Variants in LARP4B observed in about 807,000 individuals in gnomAD.
The protein encoded by LARP4B is La ribonucleoprotein 4B, also known as la-related protein 4B.
Under a neutral mutation model 89.8 loss-of-function variants are expected in LARP4B, and 12 were observed. The observed-to-expected ratio is 0.13, with a 90% CI of 0.09 to 0.22. The LOEUF (loss-of-function observed/expected upper bound fraction) is 0.22, where lower values mean the gene tolerates loss of function less well. Among genes scored for constraint, LARP4B ranks in the 10% least tolerant of loss-of-function variants. The probability of loss-of-function intolerance (pLI) is 1.00; values close to 1 mark genes in which losing one functional copy is unlikely to be tolerated. For synonymous variants in LARP4B, 367 were observed against 363.3 expected, an observed-to-expected ratio of 1.01 and a Z score of -0.12; for missense variants, 757 against 947.7, an observed-to-expected ratio of 0.80 and a Z score of 2.64.
intron 15 of LARP4B, 109 bp from the exon 16 acceptor site, chr10:815,179 A>G: frequency 2.3e-6 from 3 of 1,321,602 alleles, no homozygotes; most frequent in Non-Finnish European, 3.0e-6. Flanking sequence ...CAGCACAAGG[A>G]CATAGGGGAA....
chr10:973,197 G>GT, the LARP4B span, among the ~76,000 whole-genome samples: 1 of 152,252 alleles, frequency 6.6e-6, no homozygotes, highest in Admixed American at 6.5e-5. Flanking sequence ...CAGACTGCTG[G>GT]AGAGTGCAGC....
rs143043527 is a variant in LARP4B, at chr10:898,822, G to C, written c.-39-13062C>G. On this transcript the variant is annotated intron_variant, in intron 1 of 17. Transcript: ENST00000316157. ...TTAGCACAGCAGGAAATTAAGATCA[G>C]GGATAATTTAAGGTCACAAAGCTAC... Among the ~76,000 whole-genome samples, 371 of 152,310 alleles carry C rather than the reference G, an allele frequency of 2.4e-3. 2 individuals carry two copies. The highest frequency in any genetic ancestry group is 8.1e-3 in the African/African-American group (335 of 41,578).
chr10:940,122 AT>A, the LARP4B span, among the ~76,000 whole-genome samples: 1 of 138,532 alleles, frequency 7.2e-6, no homozygotes, highest in Non-Finnish European at 1.5e-5. Flanking sequence ...GGTTCAAGCG[AT>A]TCTCCTGCCT....
chr10:973,679 C>G, the LARP4B span, among the ~76,000 whole-genome samples: 166 of 152,270 alleles, frequency 1.1e-3, 1 homozygote, highest in Non-Finnish European at 1.8e-3. Context: ...CTTCCCTGTG[C>G]TCTAGCCACA....
chr10:912,158 A>G (rs765049961), intron 1 of LARP4B, among the ~76,000 whole-genome samples: 2 of 152,180 alleles, frequency 1.3e-5, no homozygotes, highest in East Asian at 3.8e-4. Flanking sequence ...GTCTATTAAT[A>G]AAAGTGGAAT....
At chr10:986,406 C>T in the LARP4B span, 14 of 152,294 alleles carry the variant, frequency 9.2e-5, no homozygotes, top group Admixed American at 5.9e-4. Context: ...CAGAAAAGGC[C>T]TTTAGAGTTT....
chr10:909,264 A>G (rs1269925268), intron 1 of LARP4B, among the ~76,000 whole-genome samples: 1 of 146,052 alleles, frequency 6.8e-6, no homozygotes, highest in Non-Finnish European at 1.5e-5. Flanking sequence ...ACTGCAATCC[A>G]GCCTGGGCGA....
chr10:843,724 T>C (rs1278470086), intron 6 of LARP4B, among the ~76,000 whole-genome samples: 1 of 151,630 alleles, frequency 6.6e-6, no homozygotes, highest in Non-Finnish European at 1.5e-5. Context: ...AAAAACAATT[T>C]AAAGTAAAGA....
rs1305647060 is a variant in LARP4B, at chr10:863,725, C to G, written c.430+18G>C. 2 of 1,578,740 alleles carry G rather than the reference C, an allele frequency of 1.3e-6. No homozygotes were observed. Among genetic ancestry groups the G allele is most frequent in the South Asian group, 2.3e-5 (2 of 85,770 alleles). On this transcript the variant is annotated intron_variant, in intron 5 of 17. Coordinates refer to ENST00000316157, the MANE Select transcript of LARP4B (RefSeq NM_015155.3). ...AGCCCATATTCCCTGGGAAAATGCA[C>G]CCATAAGATATGTTTACCTGTCTCG... is the stretch of plus-strand genomic sequence containing the variant.
At chr10:890,737 A>G (rs1835992980) in intron 1 of LARP4B, among the ~76,000 whole-genome samples, 1 of 152,102 alleles carries the variant, frequency 6.6e-6, no homozygotes, top group African/African-American at 2.4e-5. Context: ...ATTTTTAACT[A>G]TGTAGATGAT....
chr10:825,789 G>C lies in LARP4B; in HGVS notation c.1207C>G (p.Leu403Val). ...CTGCTTCGAGGAGGATACTGTCTGA[G>C]AGAAGTCAGAGGAGACGCCGCAGGC... ...FKPAASPLTS[L>V]RQYPPRSRNP... Residue 403 changes from leucine (L) to valine (V), a missense_variant, in exon 12 of 18, where the codon CTC (leucine) becomes GTC (valine). By Grantham distance (32) the Leu-to-Val change is conservative. Coordinates refer to ENST00000316157, the MANE Select transcript of LARP4B (RefSeq NM_015155.3). The C allele has an allele frequency of 6.2e-7, 1 of 1,613,792 alleles. No homozygotes were observed. Among genetic ancestry groups the C allele is most frequent in the African/African-American group, 1.3e-5 (1 of 75,072 alleles).
At chr10:922,957 C>T (rs1432430632) in intron 1 of LARP4B, among the ~76,000 whole-genome samples, 2 of 152,096 alleles carry the variant, frequency 1.3e-5, no homozygotes, top group African/African-American at 2.4e-5. Context: ...CGCCTGCAGT[C>T]CCAGTTACTT....
At chr10:823,033 C>G (rs1832437007) in intron 13 of LARP4B, among the ~76,000 whole-genome samples, 1 of 152,208 alleles carries the variant, frequency 6.6e-6, no homozygotes, top group South Asian at 2.1e-4. Flanking sequence ...TCAGGGCAAG[C>G]AAGGCCTGGC....
the LARP4B span, among the ~76,000 whole-genome samples, chr10:977,176 C>T: frequency 2.6e-5 from 4 of 152,042 alleles, no homozygotes; most frequent in African/African-American, 9.7e-5. Context: ...TTTTTACAGA[C>T]AGGGTCTGGC....
chr10:923,539 A>G (rs1433314532), intron 1 of LARP4B, among the ~76,000 whole-genome samples: 1 of 152,132 alleles, frequency 6.6e-6, no homozygotes, highest in Non-Finnish European at 1.5e-5. Context: ...TGCCTCCTAA[A>G]GGTTACTGGT....
upstream of LARP4B, among the ~76,000 whole-genome samples, chr10:931,892 T>C (rs1830631768): frequency 6.7e-6 from 1 of 150,268 alleles, no homozygotes; most frequent in Non-Finnish European, 1.5e-5. Flanking sequence ...TCTTGGCCTC[T>C]CCGCGCGTAC....
At chr10:918,976 G>A (rs922961928) in intron 1 of LARP4B, among the ~76,000 whole-genome samples, 1 of 152,222 alleles carries the variant, frequency 6.6e-6, no homozygotes, top group African/African-American at 2.4e-5. Context: ...AGCTACTAGG[G>A]AGGCTGAGGC....
rs145895510 is a variant in LARP4B at position 858,447 on chromosome 10, C to G, written c.430+5296G>C. On this transcript the variant is annotated intron_variant, in intron 5 of 17. Coordinates refer to ENST00000316157, the MANE Select transcript of LARP4B (RefSeq NM_015155.3). ...AAGACCCGAAATGATAAAACTCAGA[C>G]GAAAACACAGACAAAACCTTCATTA... Among the ~76,000 whole-genome samples, 626 of 152,150 alleles carry G rather than the reference C, an allele frequency of 4.1e-3. 4 individuals are homozygous for G. The highest frequency in any genetic ancestry group is 0.015 in the African/African-American group (610 of 41,492).
At chr10:955,532 G>A in the LARP4B span, among the ~76,000 whole-genome samples, 14 of 152,228 alleles carry the variant, frequency 9.2e-5, no homozygotes, top group Middle Eastern at 3.4e-3. This position sits in a 1 kb window ranked among gnomAD's most constrained non-coding sequence, Gnocchi z 5.2. Flanking sequence ...GCATGTCCTC[G>A]CTCCTAACAC....
Sources: gnomAD v4.1 joint callset for allele counts (sites outside exome capture counted in the v4.1 genomes callset) on GRCh38, gnomAD v4.1.1 for gene constraint, Gnocchi (gnomAD v3.1) non-coding constraint, MANE v1.5 for transcripts, NCBI Gene and HGNC (gene_info 2026-07-23, HGNC 2026-07-21) for gene names.